DPP10: variants seen among roughly 807,000 people sequenced by gnomAD.
DPP10 encodes inactive dipeptidyl peptidase 10.
A neutral mutation model predicts 120.9 loss-of-function variants in DPP10; 33 were observed. The ratio of observed to expected loss-of-function variants is 0.27; its 90% CI spans 0.21 to 0.37. The LOEUF (loss-of-function observed/expected upper bound fraction) is 0.37, where lower values mean the gene tolerates loss of function less well. Among genes scored for constraint, DPP10 ranks in the 10% least tolerant of loss-of-function variants. The probability of loss-of-function intolerance (pLI) is 1.00; values close to 1 mark genes in which losing one functional copy is unlikely to be tolerated. For missense variants in DPP10, 816 were observed against 942.8 expected (o/e 0.87, Z 1.76); for synonymous variants, 337 against 326.1 (o/e 1.03, Z -0.36).
chr2:115,189,795 C>T (rs1279312246), intron 1 of DPP10, among the ~76,000 whole-genome samples: 2 of 152,094 alleles, frequency 1.3e-5, no homozygotes, highest in African/African-American at 2.4e-5. Flanking sequence ...ACACAACACC[C>T]GAGAAGAACG....
intron 1 of DPP10, among the ~76,000 whole-genome samples, chr2:114,470,184 G>T (rs1679790883): frequency 6.6e-6 from 1 of 152,164 alleles, no homozygotes; most frequent in African/African-American, 2.4e-5. Flanking sequence ...AACCATTGCT[G>T]TGTTGTCTCC....
At chr2:115,197,623 T>C (rs2055379026) in intron 1 of DPP10, among the ~76,000 whole-genome samples, 1 of 152,148 alleles carries the variant, frequency 6.6e-6, no homozygotes, top group Non-Finnish European at 1.5e-5. Flanking sequence ...TCTTTAAGCA[T>C]TGACATCAGA....
intron 3 of DPP10, among the ~76,000 whole-genome samples, chr2:115,481,137 G>A (rs1055889180): frequency 2.0e-5 from 3 of 152,084 alleles, no homozygotes; most frequent in Non-Finnish European, 4.4e-5. Context: ...ATGTTCAAAA[G>A]GAGCTAAACA....
chr2:115,542,768 A>G (rs1480612394), intron 5 of DPP10, among the ~76,000 whole-genome samples: 1 of 151,844 alleles, frequency 6.6e-6, no homozygotes, highest in Non-Finnish European at 1.5e-5. Context: ...TGGTAACTGC[A>G]GTAACTGTAT....
chr2:114,473,095 T>A (rs1573428639), intron 1 of DPP10, among the ~76,000 whole-genome samples: 1 of 152,344 alleles, frequency 6.6e-6, no homozygotes, highest in African/African-American at 2.4e-5. Context: ...AAGCTTATTA[T>A]CATTTTTTTT....
intron 1 of DPP10, among the ~76,000 whole-genome samples, chr2:115,122,683 A>G (rs1040776826): frequency 4.6e-5 from 7 of 152,262 alleles, no homozygotes; most frequent in African/African-American, 1.2e-4. Flanking sequence ...GCACAAGACC[A>G]TTTCAGAATA....
chr2:115,001,065 A>G (rs979777933), intron 1 of DPP10, among the ~76,000 whole-genome samples: 4 of 152,198 alleles, frequency 2.6e-5, no homozygotes, highest in Admixed American at 6.5e-5. Flanking sequence ...GAGAACCATT[A>G]ACTTGTTTTA....
chr2:114,894,854 G>A (rs1269573520), intron 1 of DPP10, among the ~76,000 whole-genome samples: 1 of 151,890 alleles, frequency 6.6e-6, no homozygotes, highest in Non-Finnish European at 1.5e-5. Flanking sequence ...ATTGATTAAG[G>A]AATAATATAT....
chr2:114,789,639 G>A (rs1028936188), intron 1 of DPP10, among the ~76,000 whole-genome samples: 2 of 152,188 alleles, frequency 1.3e-5, no homozygotes, highest in African/African-American at 4.8e-5. Flanking sequence ...TATTTGCAGA[G>A]CCTGAAGTAC....
chr2:114,814,182 G>GATACCA (rs1685427472), intron 1 of DPP10, among the ~76,000 whole-genome samples: 1 of 152,130 alleles, frequency 6.6e-6, no homozygotes, highest in Non-Finnish European at 1.5e-5. Flanking sequence ...ACAACCATTT[G>GATACCA]ATACCAATTA....
chr2:114,537,745 G>C (rs974878356), intron 1 of DPP10, among the ~76,000 whole-genome samples: 3 of 152,204 alleles, frequency 2.0e-5, no homozygotes, highest in African/African-American at 7.2e-5. Flanking sequence ...AGCATCCTGA[G>C]ATGGGGACAA....
chr2:115,796,259 C>A (rs1260984854), intron 19 of DPP10, among the ~76,000 whole-genome samples: 1 of 152,050 alleles, frequency 6.6e-6, no homozygotes, highest in Non-Finnish European at 1.5e-5. Flanking sequence ...CTTAAGACTT[C>A]CAGACACACT....
intron 1 of DPP10, among the ~76,000 whole-genome samples, chr2:114,681,527 G>T: frequency 6.6e-6 from 1 of 152,108 alleles, no homozygotes. Flanking sequence ...TCCCAGTTCA[G>T]AGATTCTCAT....
intron 8 of DPP10, among the ~76,000 whole-genome samples, chr2:115,737,952 T>C (rs1676774491): frequency 6.6e-6 from 1 of 152,180 alleles, no homozygotes; most frequent in Admixed American, 6.5e-5. Context: ...AGGATAGCGG[T>C]TGCCTCTGTC....
At chr2:115,602,896 G>A (rs2083422166) in intron 5 of DPP10, among the ~76,000 whole-genome samples, 1 of 152,028 alleles carries the variant, frequency 6.6e-6, no homozygotes, top group Non-Finnish European at 1.5e-5. Flanking sequence ...TTAATTCTTT[G>A]AAATAATTTC....
chr2:114,461,806 C>T, intron 1 of DPP10: 1 of 985,290 alleles, frequency 1.0e-6, no homozygotes, highest in Non-Finnish European at 1.2e-6. Context: ...TACACAAGTA[C>T]CTGGTACATA....
intron 1 of DPP10, among the ~76,000 whole-genome samples, chr2:115,137,627 TTAATTA>T (rs2050715531): frequency 1.3e-5 from 2 of 152,160 alleles, no homozygotes; most frequent in East Asian, 3.9e-4. Flanking sequence ...TAAGAAGAGA[TTAATTA>T]TGGTTTGGAG....
intron 3 of DPP10, among the ~76,000 whole-genome samples, chr2:115,444,232 T>G (rs1175609402): frequency 6.6e-6 from 1 of 152,190 alleles, no homozygotes; most frequent in African/African-American, 2.4e-5. Flanking sequence ...TTCAACCTAT[T>G]TTTCTTCTCA....
At chr2:114,701,735 G>T (rs72830360) in intron 1 of DPP10, among the ~76,000 whole-genome samples, 1,807 of 152,200 alleles carry the variant, frequency 0.012, 13 homozygotes, top group Middle Eastern at 0.034. Flanking sequence ...GGAATGGGGG[G>T]TGGGCAGTCC....
Sources: gnomAD v4.1 joint callset for allele counts (sites outside exome capture counted in the v4.1 genomes callset) on GRCh38, gnomAD v4.1.1 for gene constraint, MANE v1.5 for transcripts, NCBI Gene and HGNC (gene_info 2026-07-23, HGNC 2026-07-21) for gene names.